Variants in TMEM135 observed in about 807,000 individuals in gnomAD.
TMEM135 encodes the protein peroxisomal membrane protein 52.
TMEM135 carries 30 observed loss-of-function variants against 60.3 expected under a neutral mutation model. The observed-to-expected ratio is 0.50, with a 90% CI of 0.37 to 0.68. The LOEUF is 0.68. Ranked by LOEUF, TMEM135 falls within the 30% of genes least tolerant of loss-of-function variation. TMEM135 has a pLI of 0.00. For missense variants in TMEM135, 468 were observed against 548.8 expected, an observed-to-expected ratio of 0.85 and a Z score of 1.47; for synonymous variants, 190 against 186.7, an observed-to-expected ratio of 1.02 and a Z score of -0.14.
chr11:87,165,672 G>T (rs1939017110), intron 5 of TMEM135, among the ~76,000 whole-genome samples: 1 of 151,252 alleles, frequency 6.6e-6, no homozygotes, highest in African/African-American at 2.4e-5. Flanking sequence ...TCTGGTCCTG[G>T]ACTCTTTACT....
chr11:87,178,373 A>G (rs991554922), intron 5 of TMEM135: 1 of 454,482 alleles, frequency 2.2e-6, no homozygotes, highest in Non-Finnish European at 4.4e-6. Flanking sequence ...TTTTCTGAAA[A>G]TTTTATATAC....
In TMEM135 at chr11:87,323,188, G is replaced by C. The variant is rs777210022; in HGVS notation, c.*1855G>C. ...TGAGATTGTTTAGTAAAATTTTGCT[G>C]GTCAAAAAGGTGTATTTCTACAATT... On this transcript the variant is annotated 3_prime_UTR_variant, in exon 15 of 15. Coordinates refer to ENST00000305494, the MANE Select transcript of TMEM135 (RefSeq NM_022918.4). The C allele has an allele frequency of 1.1e-5, 5 of 453,750 alleles. No homozygotes were observed. The highest frequency in any genetic ancestry group is 6.2e-5 in the South Asian group (4 of 64,350). The allele number at this position is 453,750 out of a possible 1,614,324, so 28.1% of individuals were successfully genotyped here.
chr11:87,130,791 T>G (rs1021989171), intron 4 of TMEM135, among the ~76,000 whole-genome samples: 4 of 152,176 alleles, frequency 2.6e-5, no homozygotes, highest in Non-Finnish European at 5.9e-5. Context: ...AGTGAAACAC[T>G]GTACCAGGCT....
chr11:87,254,601 A>T (rs1462610823), intron 6 of TMEM135, among the ~76,000 whole-genome samples: 1 of 152,252 alleles, frequency 6.6e-6, no homozygotes, highest in Non-Finnish European at 1.5e-5. Flanking sequence ...CTATAAATGA[A>T]TCTATAAAAT....
chr11:87,282,554 C>G (rs1160274830), intron 6 of TMEM135, among the ~76,000 whole-genome samples: 1 of 152,262 alleles, frequency 6.6e-6, no homozygotes, highest in Admixed American at 6.5e-5. Context: ...GCGTGAGCCA[C>G]CGCATCCGGC....
chr11:87,321,527 C>A lies in TMEM135; in HGVS notation c.*194C>A, dbSNP rs1173344664. 1 of 698,568 alleles carries A rather than the reference C, an allele frequency of 1.4e-6. No individual in the cohort carries two copies. Among genetic ancestry groups the A allele is most frequent in the Admixed American group, 2.0e-5 (1 of 49,622 alleles). 43.3% of individuals were successfully genotyped at this position (698,568 alleles called of 1,614,324 possible). On this transcript the variant is annotated 3_prime_UTR_variant, in exon 15 of 15. Coordinates refer to ENST00000305494, the MANE Select transcript of TMEM135 (RefSeq NM_022918.4). Reference sequence around the variant, plus strand: ...AAGATGTTGCTTAATAATTAAGCTTCCTCCATAGCCAGAATAAGATTCTGG... The same window carrying A: ...AAGATGTTGCTTAATAATTAAGCTTACTCCATAGCCAGAATAAGATTCTGG...
rs1856730859 is a variant in TMEM135 at position 87,069,318 on chromosome 11, A to C, written c.269+1497A>C. 2.0e-5 allele frequency among the ~76,000 whole-genome samples: 3 copies of C among 150,492 alleles called. No homozygotes were observed. In the South Asian group the frequency reaches 6.3e-4, roughly 32 times the overall value. On this transcript the variant is annotated intron_variant, in intron 2 of 14. Transcript: ENST00000305494. Reference sequence around the variant, plus strand: ...AAAAAAAAAAAAAAAAGAAGAAGAAAGTTTCTATGATTAGGTTTTTAAAAA... The same window carrying C: ...AAAAAAAAAAAAAAAAGAAGAAGAACGTTTCTATGATTAGGTTTTTAAAAA...
chr11:87,059,342 T>C (rs1220554884), intron 1 of TMEM135, among the ~76,000 whole-genome samples: 1 of 151,154 alleles, frequency 6.6e-6, no homozygotes, highest in African/African-American at 2.4e-5. Flanking sequence ...TCTCGCTCTG[T>C]TGCCCAGGCT....
chr11:87,159,662 T>G (rs1938814103), intron 5 of TMEM135, among the ~76,000 whole-genome samples: 1 of 150,472 alleles, frequency 6.6e-6, no homozygotes, highest in Non-Finnish European at 1.5e-5. Context: ...TGGAAATGGG[T>G]GCTATGATTC....
intron 2 of TMEM135, among the ~76,000 whole-genome samples, chr11:87,068,203 C>G (rs929342240): frequency 2.0e-5 from 3 of 152,122 alleles, no homozygotes; most frequent in African/African-American, 7.2e-5. Context: ...TTCAAAAGGA[C>G]TATAACATAC....
intron 1 of TMEM135, among the ~76,000 whole-genome samples, chr11:87,059,227 C>T (rs557018303): frequency 2.0e-5 from 3 of 150,808 alleles, no homozygotes; most frequent in East Asian, 1.9e-4. Context: ...CGCGCCCAGC[C>T]GAAAAATTTT....
intron 5 of TMEM135, among the ~76,000 whole-genome samples, chr11:87,180,657 G>T (rs980656644): frequency 6.6e-6 from 1 of 152,142 alleles, no homozygotes; most frequent in Admixed American, 6.6e-5. Context: ...TGGCTTTTAG[G>T]TGACACATAT....
At chr11:87,138,216 A>G (rs1026708327) in intron 4 of TMEM135, among the ~76,000 whole-genome samples, 14 of 151,024 alleles carry the variant, frequency 9.3e-5, no homozygotes, top group African/African-American at 3.4e-4. Flanking sequence ...TCAGCCTTCC[A>G]AGTAGCTGGG....
rs1026328066 is a variant in TMEM135 at position 87,038,073 on chromosome 11, C to T, written c.28C>T (p.His10Tyr). MAALSKSIP[H>Y]NCYEIGHTWH... ...GGCGGCCCTCAGCAAGTCCATCCCTCATAACTGCTATGAGATCGGCCACAC... is the reference window on the plus strand; with the variant it reads ...GGCGGCCCTCAGCAAGTCCATCCCTTATAACTGCTATGAGATCGGCCACAC... Residue 10 changes from histidine (H) to tyrosine (Y), a missense_variant, in exon 1 of 15, where the codon CAT (histidine) becomes TAT (tyrosine). By Grantham distance (83) the His-to-Tyr change is moderately conservative. Coordinates refer to ENST00000305494, the MANE Select transcript of TMEM135 (RefSeq NM_022918.4). 1.2e-6 allele frequency: 2 copies of T among 1,614,180 alleles called. No homozygotes were observed. The highest frequency in any genetic ancestry group is 1.7e-6 in the Non-Finnish European group (2 of 1,180,006).
At chr11:87,220,196 T>C (rs771754149) in intron 5 of TMEM135, among the ~76,000 whole-genome samples, 82 of 152,218 alleles carry the variant, frequency 5.4e-4, no homozygotes, top group Non-Finnish European at 1.0e-3. Context: ...CACTGAGATA[T>C]TGTATACCAG....
At chr11:87,119,656 G>A (rs147568245) in intron 4 of TMEM135, among the ~76,000 whole-genome samples, 69 of 152,324 alleles carry the variant, frequency 4.5e-4, no homozygotes, top group African/African-American at 1.6e-3. Flanking sequence ...AGCTGAGATC[G>A]TGCCACTGCA....
intron 4 of TMEM135, among the ~76,000 whole-genome samples, chr11:87,124,873 G>C (rs1937682255): frequency 2.0e-5 from 3 of 151,938 alleles, no homozygotes; most frequent in Admixed American, 1.3e-4. Flanking sequence ...CTTTTCCAGA[G>C]CTGGGATTTT....
At chr11:87,146,705 A>G (rs1938426964) in intron 4 of TMEM135, among the ~76,000 whole-genome samples, 1 of 152,146 alleles carries the variant, frequency 6.6e-6, no homozygotes. Context: ...CCTTGGATTC[A>G]ATGTTTTACG....
chr11:87,319,372 G>A lies in TMEM135; in HGVS notation c.1239G>A (p.Lys413=). Residue 413 remains lysine (K), a synonymous_variant, in exon 14 of 15, where the codon AAG becomes AAA. Coordinates refer to ENST00000305494, the MANE Select transcript of TMEM135 (RefSeq NM_022918.4). The part of the protein sequence containing the change: ...SYWKFLLRLT[K]GKFAVMNRKV... ...GGAAGTTCCTTTTAAGACTCACCAA[G>A]GGCAAGTAAGTGACTACGTAGTTTT... 6 of 1,611,136 alleles carry A rather than the reference G, an allele frequency of 3.7e-6. No individual in the cohort carries two copies. Among genetic ancestry groups the A allele is most frequent in the Non-Finnish European group, 5.1e-6 (6 of 1,177,564 alleles).
Sources: gnomAD v4.1 joint callset for allele counts (sites outside exome capture counted in the v4.1 genomes callset) on GRCh38, gnomAD v4.1.1 for gene constraint, MANE v1.5 for transcripts, NCBI Gene and HGNC (gene_info 2026-07-23, HGNC 2026-07-21) for gene names.